BBS4: variants seen among roughly 807,000 people sequenced by gnomAD.
The protein encoded by BBS4 is Bardet-Biedl syndrome 4.
Under a neutral mutation model 71.4 loss-of-function variants are expected in BBS4, and 58 were observed. The observed-to-expected ratio is 0.81, with a 90% CI of 0.66 to 1.01. The LOEUF (loss-of-function observed/expected upper bound fraction) is 1.01. BBS4 is among the 50% of genes least tolerant of loss of function. BBS4 has a pLI of 0.00. For synonymous variants in BBS4, 228 were observed against 216.8 expected (o/e 1.05, Z -0.46); for missense variants, 660 against 607.9 (o/e 1.09, Z -0.90).
At position 72,730,490 on chromosome 15, in the gene BBS4, G is replaced by C. The variant is rs377517918; in HGVS notation, c.711+806G>C. ...ACCTGTAGTCCTAGCCACTCGGAAG[G>C]TGGAAGAGGGAAGATCACTTGAGCC... On this transcript the variant is annotated intron_variant, in intron 10 of 15. Coordinates refer to ENST00000268057, the MANE Select transcript of BBS4 (RefSeq NM_033028.5). Among the ~76,000 whole-genome samples, 53 of 152,050 alleles carry C rather than the reference G, an allele frequency of 3.5e-4. 1 individual carries two copies. In the South Asian group the frequency reaches 8.1e-3, roughly 23 times the overall value.
In BBS4 at chr15:72,735,824, G is replaced by A. The variant is rs768030099; in HGVS notation, c.1107-1G>A. ...CTCCATAGAATCTCTGTCTGCCACA[G>A]GTGTAACCCTTTAGTAAACCTGAAC... On this transcript the variant is annotated splice_acceptor_variant, in intron 13 of 15. Coordinates refer to ENST00000268057, the MANE Select transcript of BBS4 (RefSeq NM_033028.5). LOFTEE classifies it high-confidence loss of function. 1.9e-6 allele frequency: 3 copies of A among 1,614,140 alleles called. No homozygotes were observed. The South Asian group carries it at 3.3e-5, about 18-fold the overall frequency.
At chr15:72,727,063 T>C (rs1003726369) in intron 8 of BBS4, among the ~76,000 whole-genome samples, 24 of 152,190 alleles carry the variant, frequency 1.6e-4, no homozygotes, top group Non-Finnish European at 4.4e-5. Context: ...AAAGTGGATG[T>C]TTATTATGGC....
intron 1 of BBS4, among the ~76,000 whole-genome samples, chr15:72,691,227 C>T (rs759028166): frequency 6.6e-6 from 1 of 152,128 alleles, no homozygotes; most frequent in Non-Finnish European, 1.5e-5. Context: ...AGCAATTGGC[C>T]TGCCTCACAT....
At position 72,712,225 on chromosome 15, in the gene BBS4, A is replaced by G. The variant is rs373166573; in HGVS notation, c.157-19A>G. The G allele has an allele frequency of 7.2e-5, 116 of 1,612,470 alleles. No individual in the cohort carries two copies. In the African/African-American group the frequency reaches 1.4e-3, roughly 19 times the overall value. ...AGAAACTTAACCACTGCTCAGAAGC[A>G]TTTTTCTCCCTCTTTCAGGCTGTTA... On this transcript the variant is annotated intron_variant, in intron 3 of 15. Coordinates refer to ENST00000268057, the MANE Select transcript of BBS4 (RefSeq NM_033028.5).
At chr15:72,707,695 C>G (rs2065289981) in intron 2 of BBS4, among the ~76,000 whole-genome samples, 2 of 152,150 alleles carry the variant, frequency 1.3e-5, no homozygotes. Context: ...TTGAGATCTT[C>G]ACTATTCTTG....
chr15:72,738,295 G>A lies in BBS4; in HGVS notation c.*708G>A, dbSNP rs1247412131. 2.2e-6 allele frequency: 1 copy of A among 453,964 alleles called. No individual in the cohort carries two copies. Among genetic ancestry groups the A allele is most frequent in the African/African-American group, 2.0e-5 (1 of 49,990 alleles). 28.1% of individuals were successfully genotyped at this position (453,964 alleles called of 1,614,324 possible). A position where few individuals can be genotyped will look rare whatever the true frequency, so the allele number is the denominator to read the frequency against. On this transcript the variant is annotated 3_prime_UTR_variant, in exon 16 of 16. Coordinates refer to ENST00000268057, the MANE Select transcript of BBS4 (RefSeq NM_033028.5). ...GCACCAACGATTTTAAAGAAAAAAG[G>A]AAGAGTTTCTTAGATGAGTAATTGT...
At position 72,696,878 on chromosome 15, in the gene BBS4, A is replaced by G. The variant is rs922747406; in HGVS notation, c.76+1650A>G. On this transcript the variant is annotated intron_variant, in intron 2 of 15. Coordinates refer to ENST00000268057, the MANE Select transcript of BBS4 (RefSeq NM_033028.5). ...AGTACTGGCATTACAGGCATGAGCT[A>G]TTGCACCTGGGTTATGTAAATTTTT... Among the ~76,000 whole-genome samples, 4 of 151,918 alleles carry G rather than the reference A, an allele frequency of 2.6e-5. No individual in the cohort carries two copies. In the South Asian group the frequency reaches 8.3e-4, roughly 32 times the overall value.
chr15:72,711,524 A>G (rs2065372067), intron 3 of BBS4, among the ~76,000 whole-genome samples: 1 of 152,160 alleles, frequency 6.6e-6, no homozygotes, highest in Admixed American at 6.5e-5. Flanking sequence ...CACTTTTCTT[A>G]GCTTGCCTAG....
intron 1 of BBS4, among the ~76,000 whole-genome samples, chr15:72,689,015 C>T (rs957977473): frequency 6.6e-6 from 1 of 151,100 alleles, no homozygotes; most frequent in African/African-American, 2.4e-5. Context: ...ACCTCCATTC[C>T]TAAACTCAGA....
chr15:72,737,002 C>T (rs770170628), intron 15 of BBS4, 39 bp downstream of exon 15: 8 of 1,597,050 alleles, frequency 5.0e-6, no homozygotes, highest in Admixed American at 5.0e-5. Flanking sequence ...CTGGCAGGTA[C>T]AAGCCACATG....
At chr15:72,735,007 C>T in intron 12 of BBS4, 106 bp from the exon 13 acceptor site, 1 of 791,918 alleles carries the variant, frequency 1.3e-6, no homozygotes, top group Non-Finnish European at 2.2e-6. Context: ...TTAGTAAACT[C>T]TGGTGCCATG....
intron 1 of BBS4, chr15:72,686,529 G>A (rs983627219): frequency 1.3e-6 from 2 of 1,498,292 alleles, no homozygotes; most frequent in Non-Finnish European, 1.8e-6. Flanking sequence ...GGCTCTTACC[G>A]TAGTGCCATC....
chr15:72,689,871 C>T (rs1016974970), intron 1 of BBS4, among the ~76,000 whole-genome samples: 4 of 151,884 alleles, frequency 2.6e-5, no homozygotes, highest in South Asian at 2.1e-4. Flanking sequence ...AGCGCAGTGG[C>T]GCGATCTCGG....
Position 72,725,764 on chromosome 15 carries a change from TCCC to T in BBS4, c.587+1112_587+1114del, listed in dbSNP as rs751992567. On this transcript the variant is annotated intron_variant, in intron 8 of 15. Coordinates refer to ENST00000268057, the MANE Select transcript of BBS4 (RefSeq NM_033028.5). ...CCCTTTCCCTTTCCCCCTTCCCCCT[TCCC>T]CCTTCCTCTTCCCCTTCCTCCTTCC... 1.5e-3 allele frequency among the ~76,000 whole-genome samples: 83 copies of T among 55,452 alleles called. 1 individual carries two copies. The highest frequency in any genetic ancestry group is 0.013 in the Middle Eastern group (1 of 78). The allele number at this position is 55,452 out of a possible 152,430, so 36.4% of individuals were successfully genotyped here.
intron 1 of BBS4, among the ~76,000 whole-genome samples, chr15:72,692,775 T>A (rs1034327712): frequency 5.9e-5 from 9 of 151,944 alleles, no homozygotes; most frequent in Non-Finnish European, 5.9e-5. Flanking sequence ...CTAAAGTTTT[T>A]TTTATAGAGG....
At position 72,737,919 on chromosome 15, in the gene BBS4, G is replaced by A. The variant is rs1324238267; in HGVS notation, c.*332G>A. The A allele has an allele frequency of 4.4e-6, 2 of 457,372 alleles. No individual in the cohort carries two copies. Among genetic ancestry groups the A allele is most frequent in the African/African-American group, 2.0e-5 (1 of 50,158 alleles). 28.3% of individuals were successfully genotyped at this position (457,372 alleles called of 1,614,324 possible). On this transcript the variant is annotated 3_prime_UTR_variant, in exon 16 of 16. Transcript: ENST00000268057. ...CTTTCAAAAGGACTTTTCTCTCCTA[G>A]CTGACTGACTCCTTCCTTAGTTCAA... is the stretch of plus-strand genomic sequence containing the variant.
chr15:72,734,287 C>T (rs1324169255), intron 12 of BBS4, among the ~76,000 whole-genome samples: 5 of 152,156 alleles, frequency 3.3e-5, no homozygotes, highest in African/African-American at 4.8e-5. Flanking sequence ...GAGATAACAG[C>T]GATGCTAACT....
intron 2 of BBS4, among the ~76,000 whole-genome samples, chr15:72,704,657 A>G (rs957220227): frequency 3.3e-5 from 5 of 152,158 alleles, no homozygotes; most frequent in Non-Finnish European, 5.9e-5. Context: ...AGGCAGGTGG[A>G]TCACTTGAGG....
intron 2 of BBS4, among the ~76,000 whole-genome samples, chr15:72,708,535 G>A (rs1051795846): frequency 6.6e-6 from 1 of 152,094 alleles, no homozygotes; most frequent in African/African-American, 2.4e-5. Context: ...ACGTGTGTTT[G>A]AACAATATGA....
Sources: allele counts gnomAD v4.1 joint callset (sites outside exome capture counted in the v4.1 genomes callset), GRCh38; gene constraint gnomAD v4.1.1; transcripts MANE v1.5; gene names NCBI Gene and HGNC (gene_info 2026-07-23, HGNC 2026-07-21).